Variants in NCEH1 observed in about 807,000 individuals in gnomAD.
The protein encoded by NCEH1 is 2-acetyl MAGE hydrolase.
Under a neutral mutation model 25.4 loss-of-function variants are expected in NCEH1, and 9 were observed. The ratio of observed to expected loss-of-function variants is 0.35; its 90% confidence interval spans 0.21 to 0.62. The LOEUF is 0.62. Among genes scored for constraint, NCEH1 ranks in the 20% least tolerant of loss-of-function variants. NCEH1 has a pLI of 0.72. For synonymous variants in NCEH1, 200 were observed against 199.8 expected (o/e 1.00, Z -0.01); for missense variants, 412 against 501.1 (o/e 0.82, Z 1.70).
At chr3:172,652,055 G>A (rs1717428940) in intron 1 of NCEH1, among the ~76,000 whole-genome samples, 1 of 152,180 alleles carries the variant, frequency 6.6e-6, no homozygotes, top group Middle Eastern at 3.2e-3. Flanking sequence ...CTCCCAGATA[G>A]GTCTGTGGAA....
chr3:172,633,873 C>T lies in NCEH1; in HGVS notation c.829G>A (p.Glu277Lys). 1.2e-6 allele frequency: 2 copies of T among 1,614,188 alleles called. No individual in the cohort carries two copies. Among genetic ancestry groups the T allele is most frequent in the Non-Finnish European group, 1.7e-6 (2 of 1,180,026 alleles). ...CGGGCCCTGACAGCAGCAGCCTCTTCCACATCAAGTGAAGTGTGATTGTTA... is the reference window on the plus strand; with the variant it reads ...CGGGCCCTGACAGCAGCAGCCTCTTTCACATCAAGTGAAGTGTGATTGTTA... ...IVNNHTSLDV[E>K]EAAAVRARLN... Residue 277 changes from glutamate (E) to lysine (K), a missense_variant, in exon 5 of 5, where the codon GAA (glutamate) becomes AAA (lysine). Coordinates refer to ENST00000475381, the MANE Select transcript of NCEH1 (RefSeq NM_020792.6).
chr3:172,663,366 G>C (rs1718054417), intron 1 of NCEH1, among the ~76,000 whole-genome samples: 1 of 152,176 alleles, frequency 6.6e-6, no homozygotes, highest in Admixed American at 6.5e-5. Flanking sequence ...TTGCTGAGGA[G>C]AGCTTTACTT....
At chr3:172,693,667 G>A (rs371114825) in intron 1 of NCEH1, among the ~76,000 whole-genome samples, 96 of 152,228 alleles carry the variant, frequency 6.3e-4, no homozygotes, top group African/African-American at 2.1e-3. Context: ...TTCTGTAGAC[G>A]TAACCAATAA....
At chr3:172,653,756 T>TTTTTTTCG (rs746384086) in intron 1 of NCEH1, among the ~76,000 whole-genome samples, 2 of 96,958 alleles carry the variant, frequency 2.1e-5, no homozygotes, top group Non-Finnish European at 3.9e-5. Context: ...TTTTTTGTTT[T>TTTTTTTCG]TTTGTTTTTT....
At chr3:172,658,730 C>T (rs1717817547) in intron 1 of NCEH1, among the ~76,000 whole-genome samples, 1 of 152,022 alleles carries the variant, frequency 6.6e-6, no homozygotes, top group Admixed American at 6.6e-5. Context: ...AACACTCTAA[C>T]CCTGTCACCC....
chr3:172,663,474 G>T (rs1364509041), intron 1 of NCEH1, among the ~76,000 whole-genome samples: 1 of 152,120 alleles, frequency 6.6e-6, no homozygotes, highest in East Asian at 1.9e-4. Flanking sequence ...ATGTCTATTA[G>T]GTCTGCTTGG....
intron 1 of NCEH1, 81 bp from the exon 2 acceptor site, chr3:172,648,195 C>T (rs1254590530): frequency 2.0e-6 from 3 of 1,521,812 alleles, no homozygotes; most frequent in African/African-American, 1.4e-5. Context: ...AACTGAGTGT[C>T]TGAATTCCTA....
rs1418100700 is a variant in NCEH1, at chr3:172,674,836, A to G, written c.139-26722T>C. 1.1e-4 allele frequency among the ~76,000 whole-genome samples: 17 copies of G among 152,236 alleles called. 1 individual carries two copies. The highest frequency in any genetic ancestry group is 1.1e-3 in the Admixed American group (17 of 15,284). ...GATTATCATCCTTATAACAGGATTA[A>G]TTGCAGGAAAAATTTAGTCAAAGTT... On this transcript the variant is annotated intron_variant, in intron 1 of 4. Coordinates refer to ENST00000475381, the MANE Select transcript of NCEH1 (RefSeq NM_020792.6).
Position 172,675,302 on chromosome 3 carries a change from C to CAAATAAATAAAT in NCEH1, c.139-27200_139-27189dup, listed in dbSNP as rs56201640. 1.5e-3 allele frequency among the ~76,000 whole-genome samples: 209 copies of CAAATAAATAAAT among 142,488 alleles called. 1 individual carries two copies. The highest frequency in any genetic ancestry group is 5.6e-3 in the African/African-American group (204 of 36,662). The allele number at this position is 142,488 out of a possible 152,430, so 93.5% of individuals were successfully genotyped here. ...TGGGTGACAGAGCAAGATCCTGTCT[C>CAAATAAATAAAT]AAATAAATAAATAAATAAATAAATA... On this transcript the variant is annotated intron_variant, in intron 1 of 4. Coordinates refer to ENST00000475381, the MANE Select transcript of NCEH1 (RefSeq NM_020792.6).
At chr3:172,707,623 T>C (rs1714077743) in intron 1 of NCEH1, among the ~76,000 whole-genome samples, 1 of 152,196 alleles carries the variant, frequency 6.6e-6, no homozygotes, top group Non-Finnish European at 1.5e-5. Flanking sequence ...TCTCACACTG[T>C]TGCCCAGGCT....
At chr3:172,664,939 A>AT (rs1297709354) in intron 1 of NCEH1, among the ~76,000 whole-genome samples, 8 of 151,764 alleles carry the variant, frequency 5.3e-5, no homozygotes, top group Admixed American at 5.2e-4. Context: ...GTCATTACCG[A>AT]TTTTCTGAAG....
chr3:172,660,065 G>A (rs1340381744), intron 1 of NCEH1, among the ~76,000 whole-genome samples: 1 of 151,350 alleles, frequency 6.6e-6, no homozygotes, highest in Non-Finnish European at 1.5e-5. Flanking sequence ...CATGTGCCAT[G>A]TTGGTGTGCT....
chr3:172,660,425 A>G (rs1170661111), intron 1 of NCEH1, among the ~76,000 whole-genome samples: 1 of 152,170 alleles, frequency 6.6e-6, no homozygotes, highest in African/African-American at 2.4e-5. Context: ...GAATAGTGCC[A>G]CAATAAACAT....
At chr3:172,643,545 G>A (rs1051582141) in intron 3 of NCEH1, among the ~76,000 whole-genome samples, 5 of 152,174 alleles carry the variant, frequency 3.3e-5, no homozygotes, top group South Asian at 2.1e-4. Context: ...TTAAATCAAA[G>A]CAGTCCCTTC....
intron 1 of NCEH1, among the ~76,000 whole-genome samples, chr3:172,676,463 C>T (rs1389939948): frequency 6.6e-6 from 1 of 152,092 alleles, no homozygotes; most frequent in Non-Finnish European, 1.5e-5. Context: ...TGGGAAATTT[C>T]GCCAGGTTTT....
chr3:172,648,325 A>C (rs910016675), intron 1 of NCEH1, among the ~76,000 whole-genome samples: 25 of 152,282 alleles, frequency 1.6e-4, no homozygotes, highest in Non-Finnish European at 3.1e-4. Context: ...AGGTATCATC[A>C]GTCCCATTTT....
At chr3:172,634,582 C>G (rs1425707486) in intron 4 of NCEH1, among the ~76,000 whole-genome samples, 1 of 152,094 alleles carries the variant, frequency 6.6e-6, no homozygotes, top group Non-Finnish European at 1.5e-5. Context: ...AGCATCTTCA[C>G]GCTTGGTGAG....
intron 1 of NCEH1, among the ~76,000 whole-genome samples, chr3:172,650,512 G>A (rs1404964385): frequency 6.6e-6 from 1 of 151,864 alleles, no homozygotes; most frequent in South Asian, 2.1e-4. Flanking sequence ...AGCCGGGCAT[G>A]GTGGCGGGCG....
In NCEH1 at chr3:172,653,753, TTTTTTTG is replaced by T. The variant is rs1560186507; in HGVS notation, c.139-5646_139-5640del. 9.4e-4 allele frequency among the ~76,000 whole-genome samples: 81 copies of T among 85,992 alleles called. 4 individuals carry two copies. Among genetic ancestry groups the T allele is most frequent in the African/African-American group, 3.8e-3 (75 of 19,642 alleles). 56.4% of individuals were successfully genotyped at this position (85,992 alleles called of 152,430 possible). ...TTGTTCTGTTTTTTTTGTTTTTTTG[TTTTTTTG>T]TTTTTTTTTTTTTTTGAGACAGAGT... On this transcript the variant is annotated intron_variant, in intron 1 of 4. Coordinates refer to ENST00000475381, the MANE Select transcript of NCEH1 (RefSeq NM_020792.6).
Sources: gnomAD v4.1 joint callset for allele counts (sites outside exome capture counted in the v4.1 genomes callset) on GRCh38, gnomAD v4.1.1 for gene constraint, MANE v1.5 for transcripts, NCBI Gene and HGNC (gene_info 2026-07-23, HGNC 2026-07-21) for gene names.